The following LINGO2 variants were observed in gnomAD, a reference collection of about 807,000 sequenced individuals.
LINGO2 encodes leucine-rich repeat and immunoglobulin-like domain-containing nogo receptor-interacting protein 2.
A neutral mutation model predicts 30.6 loss-of-function variants in LINGO2; 14 were observed. The ratio of observed to expected loss-of-function variants is 0.46; its 90% CI spans 0.30 to 0.72. The LOEUF (loss-of-function observed/expected upper bound fraction) is 0.72. Ranked by LOEUF, LINGO2 falls within the 30% of genes least tolerant of loss-of-function variation. The pLI is 0.07. For missense variants in LINGO2, 729 were observed against 751.7 expected (o/e 0.97, Z 0.35); for synonymous variants, 317 against 288.5 (o/e 1.10, Z -1.00).
chr9:28,184,670 A>G lies in LINGO2; in HGVS notation c.-87+110538T>C, dbSNP rs186486401. On this transcript the variant is annotated intron_variant, in intron 4 of 5. Transcript: ENST00000379992. Reference sequence around the variant, plus strand: ...CTGAGTCTGATAGACTGAGACAGAAAGAGACAGAGAGAGACAGGCTGGAGA... The same window carrying G: ...CTGAGTCTGATAGACTGAGACAGAAGGAGACAGAGAGAGACAGGCTGGAGA... Among the ~76,000 whole-genome samples, 438 of 152,294 alleles carry G rather than the reference A, an allele frequency of 2.9e-3. 2 individuals are homozygous for G. The highest frequency in any genetic ancestry group is 9.8e-3 in the African/African-American group (409 of 41,574).
intron 4 of LINGO2, among the ~76,000 whole-genome samples, chr9:28,092,470 C>CGGTG (rs1222076498): frequency 1.7e-4 from 25 of 149,306 alleles, no homozygotes; most frequent in African/African-American, 5.9e-4. Flanking sequence ...ACCGCATGTT[C>CGGTG]TCACTCATAG....
chr9:28,182,556 A>G (rs1277225827), intron 4 of LINGO2, among the ~76,000 whole-genome samples: 2 of 152,202 alleles, frequency 1.3e-5, no homozygotes, highest in Admixed American at 1.3e-4. Flanking sequence ...TATTTTTGCA[A>G]TCTACCCATC....
the LINGO2 span, among the ~76,000 whole-genome samples, chr9:29,063,400 T>C: frequency 1.3e-5 from 2 of 151,476 alleles, no homozygotes; most frequent in Non-Finnish European, 2.9e-5. Context: ...AGCAATCTAT[T>C]TACACCTTTT....
chr9:28,685,030 T>A, the LINGO2 span, among the ~76,000 whole-genome samples: 3 of 152,154 alleles, frequency 2.0e-5, no homozygotes, highest in Non-Finnish European at 4.4e-5. Context: ...CCCCTCTTTG[T>A]GTCCATGTAT....
chr9:28,665,726 C>T (rs1482549174), intron 1 of LINGO2, among the ~76,000 whole-genome samples: 2 of 152,032 alleles, frequency 1.3e-5, no homozygotes, highest in African/African-American at 2.4e-5. Context: ...GTTTAAACAA[C>T]TGGTAAAATT....
intron 5 of LINGO2, among the ~76,000 whole-genome samples, chr9:27,978,537 A>G (rs189222871): frequency 6.6e-6 from 1 of 152,134 alleles, no homozygotes; most frequent in East Asian, 1.9e-4. Flanking sequence ...GTGAGGACAC[A>G]GGGAGAAGAT....
rs148265473 is a variant in LINGO2 at position 28,472,841 on chromosome 9, C to T, written c.-279+3099G>A. Among the ~76,000 whole-genome samples, 233 of 152,172 alleles carry T rather than the reference C, an allele frequency of 1.5e-3. 1 individual carries two copies. Among genetic ancestry groups the T allele is most frequent in the Non-Finnish European group, 2.9e-3 (199 of 67,984 alleles). ...ACAAATCTGATTCTGTTATTTGTTG[C>T]CTCCAAAGACAGATATCATTCTTCT... On this transcript the variant is annotated intron_variant, in intron 2 of 5. Coordinates refer to ENST00000379992, the Ensembl canonical transcript of LINGO2.
At chr9:28,606,282 C>A (rs975103554) in intron 1 of LINGO2, among the ~76,000 whole-genome samples, 11 of 151,910 alleles carry the variant, frequency 7.2e-5, no homozygotes, top group Non-Finnish European at 1.3e-4. Context: ...TACTATAATA[C>A]TTTTAATGTC....
chr9:28,537,379 A>G (rs959436829), intron 1 of LINGO2, among the ~76,000 whole-genome samples: 5 of 152,152 alleles, frequency 3.3e-5, no homozygotes, highest in African/African-American at 1.2e-4. Context: ...CGGTTTCTCT[A>G]TTGATTCTTG....
intron 4 of LINGO2, among the ~76,000 whole-genome samples, chr9:28,289,682 T>C (rs1036285250): frequency 1.3e-5 from 2 of 152,324 alleles, no homozygotes; most frequent in Non-Finnish European, 2.9e-5. Context: ...AGCTAATGTG[T>C]TATCAAAATC....
chr9:28,241,321 T>C (rs1821788304), intron 4 of LINGO2, among the ~76,000 whole-genome samples: 1 of 139,276 alleles, frequency 7.2e-6, no homozygotes. Context: ...TCTAAGAATG[T>C]GGGGTGGGGC....
At chr9:28,764,922 C>G in the LINGO2 span, among the ~76,000 whole-genome samples, 1 of 151,674 alleles carries the variant, frequency 6.6e-6, no homozygotes, top group East Asian at 1.9e-4. Flanking sequence ...AATTAAATAT[C>G]TAAAAATAAA....
intron 2 of LINGO2, among the ~76,000 whole-genome samples, chr9:28,415,558 A>G (rs942854953): frequency 6.6e-6 from 1 of 152,110 alleles, no homozygotes. Context: ...CTTTTCTCCA[A>G]TTCAGGGTCT....
chr9:28,398,976 G>T (rs371879295), intron 2 of LINGO2, among the ~76,000 whole-genome samples: 69 of 152,158 alleles, frequency 4.5e-4, no homozygotes, highest in African/African-American at 1.6e-3. Context: ...GTAGCAAAAA[G>T]ATATATTTCT....
the LINGO2 span, among the ~76,000 whole-genome samples, chr9:29,211,102 A>G: frequency 1.8e-4 from 28 of 152,226 alleles, no homozygotes; most frequent in South Asian, 4.6e-3. Context: ...GTCTTCCTTT[A>G]GTATTATTCT....
intron 1 of LINGO2, among the ~76,000 whole-genome samples, chr9:28,582,353 G>A (rs186830936): frequency 2.0e-5 from 3 of 152,174 alleles, no homozygotes; most frequent in African/African-American, 7.2e-5. Context: ...CAGTTCGCAA[G>A]CTGTAAAATT....
the LINGO2 span, among the ~76,000 whole-genome samples, chr9:29,004,493 G>A: frequency 2.0e-5 from 3 of 151,826 alleles, no homozygotes; most frequent in African/African-American, 7.3e-5. Flanking sequence ...ACAACATCAT[G>A]CTTTGTATAG....
At chr9:28,688,176 A>T in the LINGO2 span, among the ~76,000 whole-genome samples, 1 of 152,138 alleles carries the variant, frequency 6.6e-6, no homozygotes, top group East Asian at 1.9e-4. Context: ...GCAGAAATAC[A>T]TTACCTCTGG....
the LINGO2 span, among the ~76,000 whole-genome samples, chr9:28,704,045 G>A: frequency 3.9e-3 from 586 of 151,936 alleles, 2 homozygotes; most frequent in African/African-American, 0.013. Context: ...TTTTTTAAAC[G>A]TAGATCAGAG....
Sources: allele counts gnomAD v4.1 joint callset (sites outside exome capture counted in the v4.1 genomes callset), GRCh38; gene constraint gnomAD v4.1.1; transcripts MANE v1.5; gene names NCBI Gene and HGNC (gene_info 2026-07-23, HGNC 2026-07-21).